STK39: variants seen among roughly 807,000 people sequenced by gnomAD.
STK39 encodes STE20/SPS1-related proline-alanine-rich protein kinase.
Under a neutral mutation model 77.8 loss-of-function variants are expected in STK39, and 20 were observed. The ratio of observed to expected loss-of-function variants is 0.26; its 90% CI spans 0.18 to 0.37. STK39 has a LOEUF of 0.37. Among genes scored for constraint, STK39 ranks in the 10% least tolerant of loss-of-function variants. STK39 has a pLI of 1.00. For synonymous variants in STK39, 246 were observed against 234.1 expected (o/e 1.05, Z -0.47); for missense variants, 479 against 656.5 (o/e 0.73, Z 2.95).
At chr2:168,094,367 C>T (rs1210384400) in intron 10 of STK39, among the ~76,000 whole-genome samples, 1 of 152,184 alleles carries the variant, frequency 6.6e-6, no homozygotes, top group South Asian at 2.1e-4. Context: ...TCTCCCCCTC[C>T]ACACTGAACT....
intron 10 of STK39, among the ~76,000 whole-genome samples, chr2:168,076,354 A>G (rs148712353): frequency 5.3e-4 from 80 of 152,312 alleles, no homozygotes; most frequent in African/African-American, 1.9e-3. Flanking sequence ...GTTATCTAAA[A>G]CTGTCCTTTG....
chr2:168,069,938 A>G (rs930217274), intron 12 of STK39, among the ~76,000 whole-genome samples: 3 of 152,228 alleles, frequency 2.0e-5, no homozygotes, highest in Non-Finnish European at 4.4e-5. Context: ...ACCCAAATGA[A>G]ACTATAAATT....
chr2:167,964,883 TCATA>T (rs1338625490), intron 16 of STK39, among the ~76,000 whole-genome samples, 157 bp from the exon 17 acceptor site: 19 of 152,344 alleles, frequency 1.2e-4, no homozygotes, highest in Admixed American at 9.8e-4. Flanking sequence ...CAAATTACTC[TCATA>T]CAGATATTTC....
chr2:168,157,350 G>C (rs985047725), intron 5 of STK39, among the ~76,000 whole-genome samples: 5 of 152,132 alleles, frequency 3.3e-5, no homozygotes, highest in African/African-American at 1.2e-4. Context: ...GGCTGCTTTC[G>C]CTCAGTACCA....
At chr2:168,205,729 G>T (rs1689724581) in intron 1 of STK39, among the ~76,000 whole-genome samples, 1 of 152,134 alleles carries the variant, frequency 6.6e-6, no homozygotes, top group African/African-American at 2.4e-5. Flanking sequence ...TAAGGTGGGA[G>T]AATAGCTTGA....
At position 168,017,148 on chromosome 2, in the gene STK39, G is replaced by A. The variant is rs949796558; in HGVS notation, c.1377-53C>T. 1.7e-5 allele frequency: 22 copies of A among 1,265,092 alleles called. 1 individual carries two copies. Among genetic ancestry groups the A allele is most frequent in the East Asian group, 9.9e-5 (4 of 40,426 alleles). The allele number at this position is 1,265,092 out of a possible 1,614,324, so 78.4% of individuals were successfully genotyped here. ...AAGTCTAGGGAAGCAGAGTTTAGTC[G>A]AACTACATGTATTCAGATTTTCACA... is the stretch of plus-strand genomic sequence containing the variant. On this transcript the variant is annotated intron_variant, in intron 14 of 17. Transcript: ENST00000355999.
chr2:167,978,342 T>A (rs1015196765), intron 16 of STK39, among the ~76,000 whole-genome samples: 1 of 152,106 alleles, frequency 6.6e-6, no homozygotes, highest in Non-Finnish European at 1.5e-5. Context: ...AGAGTTAAAC[T>A]ATAAACTAAA....
chr2:168,093,024 G>C (rs1484083623), intron 10 of STK39, among the ~76,000 whole-genome samples: 1 of 152,124 alleles, frequency 6.6e-6, no homozygotes, highest in African/African-American at 2.4e-5. Flanking sequence ...ATGCATATTG[G>C]TCTCCTGTGC....
At chr2:168,164,435 C>G (rs1233600293) in intron 3 of STK39, among the ~76,000 whole-genome samples, 1 of 152,126 alleles carries the variant, frequency 6.6e-6, no homozygotes, top group African/African-American at 2.4e-5. Flanking sequence ...GAGACAGAGT[C>G]TGCCTCTGTC....
chr2:168,014,223 A>G (rs1227292964), intron 15 of STK39, among the ~76,000 whole-genome samples: 1 of 152,160 alleles, frequency 6.6e-6, no homozygotes, highest in Non-Finnish European at 1.5e-5. Context: ...AATGGCTCAT[A>G]TCTGTAATTC....
chr2:168,233,474 CAA>C (rs1481541788), intron 1 of STK39, among the ~76,000 whole-genome samples: 1 of 152,142 alleles, frequency 6.6e-6, no homozygotes, highest in African/African-American at 2.4e-5. Flanking sequence ...TTCCTTCTCC[CAA>C]AAGAGCAGGT....
chr2:168,233,763 T>C (rs1044881639), intron 1 of STK39, among the ~76,000 whole-genome samples: 1 of 152,230 alleles, frequency 6.6e-6, no homozygotes, highest in Non-Finnish European at 1.5e-5. Flanking sequence ...CAGTCCCTTC[T>C]TCATAACATA....
intron 10 of STK39, among the ~76,000 whole-genome samples, chr2:168,080,457 G>A (rs540886806): frequency 3.3e-5 from 5 of 152,034 alleles, no homozygotes; most frequent in Middle Eastern, 3.4e-3. Flanking sequence ...GTGAAACCCC[G>A]TCTCCACTAA....
Position 168,101,870 on chromosome 2 carries a change from C to A in STK39, c.1090-26639G>T, listed in dbSNP as rs145942536. 7.2e-3 allele frequency among the ~76,000 whole-genome samples: 1,089 copies of A among 152,160 alleles called. 7 individuals carry two copies. The highest frequency in any genetic ancestry group is 0.034 in the Middle Eastern group (10 of 294). ...ATTCACAGAATTGTGCAACCATCAC[C>A]ACAATCAATTTTAGAACATTGCTGT... is the stretch of plus-strand genomic sequence containing the variant. On this transcript the variant is annotated intron_variant, in intron 10 of 17. Transcript: ENST00000355999.
intron 1 of STK39, chr2:168,232,026 C>T (rs2105262301): frequency 8.2e-6 from 2 of 244,988 alleles, no homozygotes; most frequent in East Asian, 9.6e-5. Flanking sequence ...CTGGATGGTG[C>T]ACTCCTTACA....
intron 1 of STK39, among the ~76,000 whole-genome samples, chr2:168,219,676 T>A (rs1393177890): frequency 6.6e-6 from 1 of 152,136 alleles, no homozygotes; most frequent in Non-Finnish European, 1.5e-5. Context: ...AAAACTCTGG[T>A]CTCACAATTG....
intron 5 of STK39, among the ~76,000 whole-genome samples, chr2:168,152,489 C>T (rs1048669653): frequency 1.3e-5 from 2 of 152,164 alleles, no homozygotes; most frequent in African/African-American, 2.4e-5. Context: ...AACTGAGCCC[C>T]GGCGCTCCTC....
intron 14 of STK39, among the ~76,000 whole-genome samples, chr2:168,055,980 T>C (rs1351674850): frequency 1.3e-5 from 2 of 152,188 alleles, no homozygotes; most frequent in Non-Finnish European, 2.9e-5. Context: ...ATTTTTTTGA[T>C]ATCATAGATG....
At chr2:167,967,921 A>G (rs1289396697) in intron 16 of STK39, among the ~76,000 whole-genome samples, 1 of 152,092 alleles carries the variant, frequency 6.6e-6, no homozygotes, top group African/African-American at 2.4e-5. Context: ...ATAGTACTCA[A>G]TACTTTTTCA....
Sources: gnomAD v4.1 joint callset for allele counts (sites outside exome capture counted in the v4.1 genomes callset) on GRCh38, gnomAD v4.1.1 for gene constraint, MANE v1.5 for transcripts, NCBI Gene and HGNC (gene_info 2026-07-23, HGNC 2026-07-21) for gene names.